The following FAM227B variants were observed in gnomAD, a reference collection of about 807,000 sequenced individuals.
FAM227B encodes protein FAM227B.
In FAM227B, 88 loss-of-function variants were observed where a neutral mutation model predicts 73.8. That is an observed-to-expected ratio of 1.19 (90% CI 1.00 to 1.42). FAM227B has a LOEUF of 1.42. Ranked by LOEUF, FAM227B falls within the 40% of genes most tolerant of loss-of-function variation. The pLI, the probability that FAM227B is intolerant of heterozygous loss-of-function variation, is 0.00. For synonymous variants in FAM227B, 210 were observed against 190.5 expected, an observed-to-expected ratio of 1.10 and a Z score of -0.84; for missense variants, 632 against 590.9, an observed-to-expected ratio of 1.07 and a Z score of -0.72.
intron 5 of FAM227B, among the ~76,000 whole-genome samples, chr15:49,580,073 A>C (rs1166747084): frequency 6.6e-6 from 1 of 152,228 alleles, no homozygotes; most frequent in East Asian, 1.9e-4. Context: ...CCTGAAAACG[A>C]GACCACAAAA....
At chr15:49,560,876 G>C (rs2074196974) in intron 9 of FAM227B, among the ~76,000 whole-genome samples, 1 of 151,930 alleles carries the variant, frequency 6.6e-6, no homozygotes, top group South Asian at 2.1e-4. Flanking sequence ...GATCATTAAG[G>C]GAGTTCTAAA....
At chr15:49,607,114 C>G (rs2077569317) in intron 3 of FAM227B, among the ~76,000 whole-genome samples, 1 of 152,114 alleles carries the variant, frequency 6.6e-6, no homozygotes, top group Admixed American at 6.5e-5. Flanking sequence ...TCTGTTCCAT[C>G]TCCTTTTTTC....
At chr15:49,396,969 C>T (rs895572418) in intron 11 of FAM227B, among the ~76,000 whole-genome samples, 17 of 152,274 alleles carry the variant, frequency 1.1e-4, no homozygotes, top group Non-Finnish European at 2.1e-4. Context: ...CGCAGTTCCC[C>T]ACCAGCAACA....
chr15:49,462,335 G>T (rs1405057935), intron 11 of FAM227B, among the ~76,000 whole-genome samples: 1 of 152,064 alleles, frequency 6.6e-6, no homozygotes, highest in Non-Finnish European at 1.5e-5. Context: ...TAAATAGTAA[G>T]CTCCTAACAT....
intron 10 of FAM227B, among the ~76,000 whole-genome samples, chr15:49,516,253 T>G (rs2059370816): frequency 6.6e-6 from 1 of 152,152 alleles, no homozygotes; most frequent in Admixed American, 6.6e-5. Flanking sequence ...TCCCTAAGCT[T>G]TCTTATGAGG....
chr15:49,609,618 C>A (rs555027524), intron 3 of FAM227B, among the ~76,000 whole-genome samples: 1 of 152,020 alleles, frequency 6.6e-6, no homozygotes, highest in South Asian at 2.1e-4. Context: ...TGGCACATAG[C>A]AGGTGTTCAA....
In FAM227B at chr15:49,560,566, C is replaced by CAT. The variant is rs765448320; in HGVS notation, c.747+7677_747+7678dup. ...CCATACAAAATGAATACCATGAAGG[C>CAT]ATATAGTCAACAGAGTGTCTAAGGT... is the stretch of plus-strand genomic sequence containing the variant. On this transcript the variant is annotated intron_variant, in intron 9 of 15. Transcript: ENST00000299338. Among the ~76,000 whole-genome samples the CAT allele has an allele frequency of 2.0e-5, 3 of 152,024 alleles. No homozygotes were observed. In the South Asian group the frequency reaches 6.2e-4, roughly 32 times the overall value.
intron 9 of FAM227B, among the ~76,000 whole-genome samples, chr15:49,564,421 T>C (rs2074480510): frequency 6.6e-6 from 1 of 152,202 alleles, no homozygotes; most frequent in African/African-American, 2.4e-5. Context: ...TGGAAAACAG[T>C]TTAGAGATTT....
rs548813200 is a variant in FAM227B at position 49,357,574 on chromosome 15, G to T, written c.1271+9874C>A. On this transcript the variant is annotated intron_variant, in intron 13 of 15. Transcript: ENST00000299338. Reference sequence around the variant, plus strand: ...ATCTCTGAACAGACCAATAACAGGAGCTGAAATTGTGGCAATAATCAATAG... The same window carrying T: ...ATCTCTGAACAGACCAATAACAGGATCTGAAATTGTGGCAATAATCAATAG... 1.2e-3 allele frequency among the ~76,000 whole-genome samples: 175 copies of T among 151,420 alleles called. 1 individual carries two copies. The highest frequency in any genetic ancestry group is 3.8e-3 in the African/African-American group (159 of 41,426).
At chr15:49,329,275 T>C in intron 15 of FAM227B, 1 of 985,498 alleles carries the variant, frequency 1.0e-6, no homozygotes, top group Non-Finnish European at 1.2e-6. Flanking sequence ...TGGCTGGTGA[T>C]GGCAAATGAC....
intron 11 of FAM227B, among the ~76,000 whole-genome samples, chr15:49,492,048 T>A (rs2057157439): frequency 6.6e-6 from 1 of 151,872 alleles, no homozygotes; most frequent in African/African-American, 2.4e-5. Flanking sequence ...CATAATCTTA[T>A]CTATTGCCAT....
At chr15:49,513,833 A>G (rs62010015) in intron 10 of FAM227B, among the ~76,000 whole-genome samples, 573 of 152,250 alleles carry the variant, frequency 3.8e-3, no homozygotes, top group Non-Finnish European at 6.3e-3. Flanking sequence ...CAGTTTCCCC[A>G]GCACCTTATT....
intron 11 of FAM227B, chr15:49,488,539 T>C (rs2056600721): frequency 6.6e-6 from 1 of 152,004 alleles, no homozygotes; most frequent in Non-Finnish European, 1.5e-5. Flanking sequence ...TCTGGGAAGA[T>C]GCCTCTTATG....
intron 13 of FAM227B, among the ~76,000 whole-genome samples, chr15:49,344,478 A>C (rs1393221745): frequency 6.6e-6 from 1 of 152,190 alleles, no homozygotes; most frequent in Non-Finnish European, 1.5e-5. Context: ...TCTTTATGTG[A>C]AATCACTAGT....
At chr15:49,603,426 T>C (rs2077327274) in intron 3 of FAM227B, among the ~76,000 whole-genome samples, 1 of 152,202 alleles carries the variant, frequency 6.6e-6, no homozygotes, top group Admixed American at 6.5e-5. Context: ...TTTAATTTCT[T>C]TTTCAGATTT....
chr15:49,620,665 CTT>C, intron 1 of FAM227B, 33 bp downstream of exon 1: 1 of 152,340 alleles, frequency 6.6e-6, no homozygotes. Context: ...AAAATGCAAA[CTT>C]TTCTCTGGGA....
chr15:49,492,796 T>C (rs1006215603), intron 11 of FAM227B, among the ~76,000 whole-genome samples: 2 of 151,914 alleles, frequency 1.3e-5, no homozygotes, highest in Non-Finnish European at 2.9e-5. Flanking sequence ...AGAATAACAA[T>C]AGCAAATGTG....
At position 49,615,108 on chromosome 15, in the gene FAM227B, G is replaced by T. The variant is rs771296034; in HGVS notation, c.51+13C>A. ...CTTTGTAAGTGAACATAAAGCTGTG[G>T]AAGCTTCCTTACCCCGGGGCCAGCT... is the stretch of plus-strand genomic sequence containing the variant. On this transcript the variant is annotated intron_variant, in intron 2 of 15. Coordinates refer to ENST00000299338, the MANE Select transcript of FAM227B (RefSeq NM_152647.3). The T allele has an allele frequency of 6.2e-7, 1 of 1,612,194 alleles. No homozygotes were observed. Among genetic ancestry groups the T allele is most frequent in the East Asian group, 2.2e-5 (1 of 44,872 alleles).
intron 11 of FAM227B, among the ~76,000 whole-genome samples, chr15:49,503,241 G>A (rs2058297105): frequency 6.6e-6 from 1 of 152,134 alleles, no homozygotes; most frequent in African/African-American, 2.4e-5. Flanking sequence ...GCTGAAACTG[G>A]ATCCCTTCCT....
Sources: gnomAD v4.1 joint callset for allele counts (sites outside exome capture counted in the v4.1 genomes callset) on GRCh38, gnomAD v4.1.1 for gene constraint, MANE v1.5 for transcripts, NCBI Gene and HGNC (gene_info 2026-07-23, HGNC 2026-07-21) for gene names.